SENP7: variants seen among roughly 807,000 people sequenced by gnomAD.
SENP7 encodes the protein SUMO specific peptidase 7, also known as sentrin-specific protease 7.
In SENP7, 64 loss-of-function variants were observed where a neutral mutation model predicts 141.2. The ratio of observed to expected loss-of-function variants is 0.45; its 90% CI spans 0.37 to 0.56. SENP7 has a LOEUF of 0.56. SENP7 is among the 20% of genes least tolerant of loss of function. The pLI, the probability that SENP7 is intolerant of heterozygous loss-of-function variation, is 0.00. For synonymous variants in SENP7, 382 were observed against 426.4 expected, an observed-to-expected ratio of 0.90 and a Z score of 1.28; for missense variants, 1,025 against 1,212.2, an observed-to-expected ratio of 0.85 and a Z score of 2.29.
At chr3:101,392,424 A>T (rs1394728981) in intron 6 of SENP7, among the ~76,000 whole-genome samples, 1 of 152,234 alleles carries the variant, frequency 6.6e-6, no homozygotes. Flanking sequence ...CTGGAAAAAA[A>T]ATAAAGTAAT....
intron 3 of SENP7, among the ~76,000 whole-genome samples, chr3:101,491,636 C>T (rs957265956): frequency 6.6e-6 from 1 of 152,206 alleles, no homozygotes; most frequent in African/African-American, 2.4e-5. Flanking sequence ...AAACAGAAGT[C>T]ACCTGGTCTC....
At chr3:101,428,646 T>C (rs1196766855) in intron 4 of SENP7, among the ~76,000 whole-genome samples, 1 of 152,240 alleles carries the variant, frequency 6.6e-6, no homozygotes, top group Non-Finnish European at 1.5e-5. Flanking sequence ...ATTCCATAGG[T>C]TGCCTGTTCA....
At position 101,398,973 on chromosome 3, in the gene SENP7, T is replaced by G. The variant is rs554608419; in HGVS notation, c.565A>C (p.Ser189Arg). The change falls in exon 6 of 24, where the codon AGT becomes CGT. Residue 189 changes from serine (S) to arginine (R), a missense_variant. By Grantham distance (110) the Ser-to-Arg change is moderately radical. Around this residue, in one of 4 missense-constraint regions of SENP7, gnomAD observed 496 missense variants for 503.5 expected, o/e 0.99. Coordinates refer to ENST00000394095, the MANE Select transcript of SENP7 (RefSeq NM_020654.5). ...YIRTPPVTEG[S>R]LSDTDNLQSE... ...TGCAAGTTGTCTGTATCACTCAAAC[T>G]TCCCTCAGTTACAGGTGGGGTCCTT... 2.5e-6 allele frequency: 4 copies of G among 1,613,804 alleles called. No individual in the cohort carries two copies. In the African/African-American group the frequency reaches 4.0e-5, roughly 16 times the overall value.
intron 16 of SENP7, among the ~76,000 whole-genome samples, chr3:101,339,394 A>C (rs1052203225): frequency 2.0e-5 from 3 of 152,220 alleles, no homozygotes; most frequent in African/African-American, 7.2e-5. Context: ...AAATGTTTTC[A>C]TACCAATTCC....
intron 3 of SENP7, among the ~76,000 whole-genome samples, chr3:101,482,211 G>A (rs2064517011): frequency 6.6e-6 from 1 of 151,898 alleles, no homozygotes; most frequent in African/African-American, 2.4e-5. Flanking sequence ...TACTCGGGAG[G>A]CTGAGGCAGG....
chr3:101,330,267 A>G (rs535064689), intron 20 of SENP7, 67 bp downstream of exon 20: 53 of 1,216,398 alleles, frequency 4.4e-5, no homozygotes, highest in South Asian at 8.9e-5. Context: ...GCTATGCTCT[A>G]TTTTACAGAT....
intron 11 of SENP7, chr3:101,358,479 T>A (rs1576075037): frequency 3.0e-6 from 1 of 337,134 alleles, no homozygotes; most frequent in African/African-American, 2.1e-5. Flanking sequence ...TTAGTAAATA[T>A]GAGAATTTAT....
chr3:101,401,960 C>A (rs1333724711), intron 5 of SENP7, among the ~76,000 whole-genome samples: 1 of 147,554 alleles, frequency 6.8e-6, no homozygotes, highest in Non-Finnish European at 1.5e-5. Flanking sequence ...GAGGTCAAAG[C>A]TGAAATGAGT....
intron 3 of SENP7, among the ~76,000 whole-genome samples, chr3:101,478,665 A>G (rs1399854402): frequency 6.6e-6 from 1 of 152,232 alleles, no homozygotes; most frequent in East Asian, 1.9e-4. Flanking sequence ...ACAATAGAAG[A>G]TGATGGAATT....
intron 1 of SENP7, among the ~76,000 whole-genome samples, chr3:101,502,956 AATC>A (rs2065451352): frequency 6.6e-6 from 1 of 152,030 alleles, no homozygotes; most frequent in Non-Finnish European, 1.5e-5. Flanking sequence ...GTTCATCAAA[AATC>A]ATCAAGAGTG....
At chr3:101,354,135 T>C in intron 11 of SENP7, among the ~76,000 whole-genome samples, 1 of 152,084 alleles carries the variant, frequency 6.6e-6, no homozygotes, top group East Asian at 1.9e-4. Context: ...CTAATTTTTG[T>C]AGGATTCTTC....
chr3:101,468,160 A>G (rs2063833332), intron 3 of SENP7, among the ~76,000 whole-genome samples: 1 of 152,224 alleles, frequency 6.6e-6, no homozygotes, highest in Admixed American at 6.5e-5. Flanking sequence ...GTTAGAGAAA[A>G]AAGAGTAAAA....
intron 4 of SENP7, among the ~76,000 whole-genome samples, chr3:101,441,033 C>G (rs1045673937): frequency 6.6e-6 from 1 of 152,132 alleles, no homozygotes; most frequent in Non-Finnish European, 1.5e-5. Context: ...AGCTCACCAC[C>G]ACCATCAGCA....
At chr3:101,473,991 T>G (rs1282723494) in intron 3 of SENP7, among the ~76,000 whole-genome samples, 2 of 152,220 alleles carry the variant, frequency 1.3e-5, no homozygotes, top group East Asian at 3.8e-4. Context: ...GAATAAGGAA[T>G]CCTTTCCCCA....
chr3:101,338,530 G>C (rs911333603), intron 16 of SENP7, among the ~76,000 whole-genome samples: 8 of 152,162 alleles, frequency 5.3e-5, no homozygotes, highest in Non-Finnish European at 1.2e-4. Flanking sequence ...TTGAAAATGT[G>C]TGATTGTTTT....
intron 3 of SENP7, among the ~76,000 whole-genome samples, chr3:101,477,199 C>A (rs1465797995): frequency 6.6e-6 from 1 of 151,952 alleles, no homozygotes; most frequent in Non-Finnish European, 1.5e-5. Context: ...AATGGTATTA[C>A]CTAAAACCTC....
At chr3:101,373,029 C>A (rs1394016472) in intron 6 of SENP7, among the ~76,000 whole-genome samples, 1 of 151,856 alleles carries the variant, frequency 6.6e-6, no homozygotes, top group Non-Finnish European at 1.5e-5. Flanking sequence ...ACCAATTACA[C>A]GTAATGCTTC....
intron 6 of SENP7, among the ~76,000 whole-genome samples, chr3:101,392,107 A>G: frequency 6.6e-6 from 1 of 152,180 alleles, no homozygotes; most frequent in East Asian, 1.9e-4. Context: ...TCCACAGCCA[A>G]ATTATACTGA....
chr3:101,510,598 A>C (rs1335885676), intron 1 of SENP7, among the ~76,000 whole-genome samples: 1 of 152,124 alleles, frequency 6.6e-6, no homozygotes, highest in Non-Finnish European at 1.5e-5. Flanking sequence ...CACGCCTGTA[A>C]TTCCAGCACT....
Sources: allele counts gnomAD v4.1 joint callset (sites outside exome capture counted in the v4.1 genomes callset), GRCh38; gene constraint gnomAD v4.1.1; regional missense constraint gnomAD v4.1.1; transcripts MANE v1.5; gene names NCBI Gene and HGNC (gene_info 2026-07-23, HGNC 2026-07-21).